Variants in NGEF observed in about 807,000 individuals in gnomAD.
NGEF encodes ephexin-1.
NGEF carries 31 observed loss-of-function variants against 80.9 expected under a neutral mutation model. That is an observed-to-expected ratio of 0.38 (90% CI 0.29 to 0.52). The LOEUF (loss-of-function observed/expected upper bound fraction) is 0.52, where lower values mean the gene tolerates loss of function less well. Ranked by LOEUF, NGEF falls within the 20% of genes least tolerant of loss-of-function variation. The pLI is 0.84. For synonymous variants in NGEF, 371 were observed against 370.2 expected, an observed-to-expected ratio of 1.00 and a Z score of -0.03; for missense variants, 709 against 926.2, an observed-to-expected ratio of 0.77 and a Z score of 3.04.
intron 8 of NGEF, among the ~76,000 whole-genome samples, chr2:232,890,344 C>T (rs1691841025): frequency 6.6e-6 from 1 of 152,164 alleles, no homozygotes; most frequent in South Asian, 2.1e-4. Context: ...CCCATGCCTC[C>T]AGCTCTGTGG....
At chr2:232,888,326 A>G (rs1057018401) in intron 8 of NGEF, among the ~76,000 whole-genome samples, 3 of 151,818 alleles carry the variant, frequency 2.0e-5, no homozygotes, top group Non-Finnish European at 4.4e-5. Flanking sequence ...ACACATGCAC[A>G]CCATGCACAT....
chr2:232,910,443 C>T (rs887580136), intron 5 of NGEF, among the ~76,000 whole-genome samples: 8 of 63,846 alleles, frequency 1.3e-4, no homozygotes, highest in East Asian at 3.9e-4. Flanking sequence ...TGCTGCATGG[C>T]GAGGTGGGGG....
At chr2:232,927,739 C>T (rs1250023638) in intron 3 of NGEF, among the ~76,000 whole-genome samples, 1 of 151,766 alleles carries the variant, frequency 6.6e-6, no homozygotes, top group African/African-American at 2.4e-5. Flanking sequence ...GGTGCGGGCC[C>T]GACGGGGCCC....
chr2:233,006,095 C>T (rs577435186), intron 1 of NGEF, among the ~76,000 whole-genome samples: 5 of 152,186 alleles, frequency 3.3e-5, no homozygotes, highest in South Asian at 2.1e-4. Flanking sequence ...GGATTACAGG[C>T]GTGAGCCACT....
intron 1 of NGEF, among the ~76,000 whole-genome samples, chr2:232,997,741 AG>A (rs1005496296): frequency 1.8e-4 from 28 of 151,912 alleles, no homozygotes; most frequent in Admixed American, 1.8e-3. Context: ...TCTGCTCTCC[AG>A]GGCCCACCCT....
intron 3 of NGEF, among the ~76,000 whole-genome samples, chr2:232,932,163 C>CTTTTTTTTTTTTTTTT (rs397988249): frequency 8.7e-6 from 1 of 115,590 alleles, no homozygotes; most frequent in African/African-American, 3.3e-5. Context: ...AATCACCTTT[C>CTTTTTTTTTTTTTTTT]TTTTTTTTTT....
In NGEF at chr2:232,891,363, C is replaced by T. The variant is rs141137644; in HGVS notation, c.1267G>A (p.Val423Ile). The T allele has an allele frequency of 3.5e-3, 5,600 of 1,613,484 alleles. 18 individuals carry two copies. Among genetic ancestry groups the T allele is most frequent in the Non-Finnish European group, 4.5e-3 (5,343 of 1,179,880 alleles). ...TCAGGTGGAGGAGGCTGTACCTGGA[C>T]CAACAGCTTGAGGCGTGTGATCCTC... Reference protein sequence around the residue: ...FQRITRLKLLVQNILKRVEER... With the variant: ...FQRITRLKLLIQNILKRVEER... The change falls in exon 8 of 15, where the codon GTC (valine) becomes ATC (isoleucine). Residue 423 changes from valine (V) to isoleucine (I), a missense_variant. Transcript: ENST00000264051.
intron 1 of NGEF, among the ~76,000 whole-genome samples, chr2:232,985,241 C>T (rs1694508403): frequency 6.6e-6 from 1 of 152,192 alleles, no homozygotes; most frequent in Non-Finnish European, 1.5e-5. Context: ...GAGTTAATCC[C>T]AGTTCCCAAC....
chr2:232,921,510 G>C (rs1692942927), intron 4 of NGEF, among the ~76,000 whole-genome samples: 1 of 152,144 alleles, frequency 6.6e-6, no homozygotes, highest in African/African-American at 2.4e-5. Context: ...GGAGGGCAGT[G>C]GTGCAATCAT....
chr2:232,925,519 G>A (rs1284519125), intron 4 of NGEF, among the ~76,000 whole-genome samples: 1 of 152,134 alleles, frequency 6.6e-6, no homozygotes, highest in Admixed American at 6.5e-5. Context: ...AAACGACCAG[G>A]CACTAGAGCT....
chr2:233,005,254 G>A (rs1695061559), intron 1 of NGEF, among the ~76,000 whole-genome samples: 1 of 152,210 alleles, frequency 6.6e-6, no homozygotes, highest in African/African-American at 2.4e-5. Flanking sequence ...CAATCAGGAG[G>A]GCTGGAGCTG....
At chr2:232,895,123 C>A (rs1353198808) in intron 5 of NGEF, among the ~76,000 whole-genome samples, 1 of 152,194 alleles carries the variant, frequency 6.6e-6, no homozygotes, top group Non-Finnish European at 1.5e-5. Context: ...TCCTAGGGAG[C>A]ACACTACCCC....
chr2:232,901,744 T>G (rs1007823850), intron 5 of NGEF, among the ~76,000 whole-genome samples: 7 of 152,168 alleles, frequency 4.6e-5, no homozygotes, highest in African/African-American at 1.7e-4. Context: ...GAGCCCAACT[T>G]AGTTCACTGG....
chr2:232,921,737 C>A (rs998034362), intron 4 of NGEF, among the ~76,000 whole-genome samples: 20 of 152,134 alleles, frequency 1.3e-4, no homozygotes, highest in Admixed American at 3.3e-4. Flanking sequence ...CCTTCAGCCT[C>A]CCCAGTGCTG....
At chr2:232,909,869 A>C (rs369232324) in intron 5 of NGEF, among the ~76,000 whole-genome samples, 7 of 152,378 alleles carry the variant, frequency 4.6e-5, no homozygotes, top group East Asian at 3.9e-4. Context: ...GGAACGACAC[A>C]GTATGTAACC....
chr2:232,969,355 T>G (rs915738318), intron 3 of NGEF, among the ~76,000 whole-genome samples: 1 of 151,668 alleles, frequency 6.6e-6, no homozygotes, highest in East Asian at 2.0e-4. Context: ...AACAATCTTC[T>G]GGCCTCAGCC....
chr2:232,944,726 A>AATACATAT (rs1553552730), intron 3 of NGEF, among the ~76,000 whole-genome samples: 2 of 108,722 alleles, frequency 1.8e-5, no homozygotes, highest in African/African-American at 6.9e-5. Flanking sequence ...GACTTTTCCG[A>AATACATAT]ATATATATAT....
chr2:232,903,882 A>G (rs906833832), intron 5 of NGEF, among the ~76,000 whole-genome samples: 2 of 152,228 alleles, frequency 1.3e-5, no homozygotes, highest in African/African-American at 4.8e-5. Context: ...TCTAAAATGC[A>G]CAATTTTCTT....
At chr2:232,933,564 T>G (rs1693263488) in intron 3 of NGEF, among the ~76,000 whole-genome samples, 1 of 152,228 alleles carries the variant, frequency 6.6e-6, no homozygotes, top group African/African-American at 2.4e-5. Context: ...TCAAACATCT[T>G]GGTTGGAATC....
Sources: gnomAD v4.1 joint callset for allele counts (sites outside exome capture counted in the v4.1 genomes callset) on GRCh38, gnomAD v4.1.1 for gene constraint, MANE v1.5 for transcripts, NCBI Gene and HGNC (gene_info 2026-07-23, HGNC 2026-07-21) for gene names.